Variants in NXPE4 observed in about 807,000 individuals in gnomAD.
NXPE4 encodes NXPE family member 4.
A neutral mutation model predicts 33.3 loss-of-function variants in NXPE4; 42 were observed. That is an observed-to-expected ratio of 1.26 (90% CI 0.98 to 1.63). NXPE4 has a LOEUF of 1.63. Among genes scored for constraint, NXPE4 ranks in the 40% most tolerant of loss-of-function variants. The pLI is 0.00. For missense variants in NXPE4, 709 were observed against 647.6 expected (o/e 1.09, Z -1.03); for synonymous variants, 253 against 234.9 (o/e 1.08, Z -0.71).
chr11:114,594,848 A>AT lies in NXPE4; in HGVS notation c.-10-80dup, dbSNP rs1225007832. On this transcript the variant is annotated intron_variant, in intron 1 of 5. Coordinates refer to ENST00000375478, the MANE Select transcript of NXPE4 (RefSeq NM_001077639.2). ...CAAACAAACATGGGAAACATTTGAA[A>AT]TTTTTTTGGCTCATGATTACTTTTT... 1.0e-5 allele frequency: 8 copies of AT among 773,838 alleles called. No homozygotes were observed. The African/African-American group carries it at 1.2e-4, about 12-fold the overall frequency. The allele number at this position is 773,838 out of a possible 1,614,324, so 47.9% of individuals were successfully genotyped here. A position where few individuals can be genotyped will look rare whatever the true frequency, so the allele number is the denominator to read the frequency against.
the NXPE4 span, among the ~76,000 whole-genome samples, chr11:114,618,287 T>G: frequency 2.0e-5 from 3 of 152,046 alleles, no homozygotes; most frequent in African/African-American, 7.2e-5. Context: ...TATTACCGCA[T>G]GGGTAACCAC....
the NXPE4 span, among the ~76,000 whole-genome samples, chr11:114,613,394 G>C: frequency 6.6e-6 from 1 of 150,978 alleles, no homozygotes; most frequent in East Asian, 2.0e-4. Context: ...GTGTTGCCTC[G>C]TGGGTGGGTA....
At chr11:114,574,960 C>A (rs989097658) in intron 5 of NXPE4, among the ~76,000 whole-genome samples, 3 of 151,996 alleles carry the variant, frequency 2.0e-5, no homozygotes, top group Non-Finnish European at 2.9e-5. Flanking sequence ...ACTAGCTAAC[C>A]AAATCCAATG....
intron 5 of NXPE4, among the ~76,000 whole-genome samples, chr11:114,577,990 G>T (rs1056072559): frequency 6.6e-6 from 1 of 152,158 alleles, no homozygotes; most frequent in African/African-American, 2.4e-5. Context: ...ATCCTCTCAT[G>T]TATATTTAAT....
chr11:114,653,801 T>G, the NXPE4 span, among the ~76,000 whole-genome samples: 1 of 152,062 alleles, frequency 6.6e-6, no homozygotes, highest in African/African-American at 2.4e-5. Flanking sequence ...GTGCTGGGAT[T>G]ACAGGCGTGA....
the NXPE4 span, among the ~76,000 whole-genome samples, chr11:114,630,585 G>C: frequency 6.6e-6 from 1 of 151,464 alleles, no homozygotes; most frequent in African/African-American, 2.4e-5. Context: ...AGAAAACCTA[G>C]GCATTACCAT....
At chr11:114,603,071 T>C in the NXPE4 span, among the ~76,000 whole-genome samples, 1 of 151,840 alleles carries the variant, frequency 6.6e-6, no homozygotes, top group Non-Finnish European at 1.5e-5. Context: ...TAGGTAACTA[T>C]TATTACCTAG....
At chr11:114,583,110 A>C in intron 2 of NXPE4, 89 bp from the exon 3 acceptor site, 1 of 1,356,406 alleles carries the variant, frequency 7.4e-7, no homozygotes, top group Non-Finnish European at 1.0e-6. Context: ...CTATGAAATT[A>C]ACATGTTCCT....
At chr11:114,594,206 G>A (rs1949526449) in intron 2 of NXPE4, among the ~76,000 whole-genome samples, 1 of 152,064 alleles carries the variant, frequency 6.6e-6, no homozygotes, top group South Asian at 2.1e-4. Context: ...GCACAAGAAA[G>A]GATAAATTCT....
the NXPE4 span, among the ~76,000 whole-genome samples, chr11:114,641,906 C>T: frequency 6.6e-6 from 1 of 152,006 alleles, no homozygotes. Flanking sequence ...TGAAAGAACA[C>T]TAGAGTAACT....
At chr11:114,637,186 C>G in the NXPE4 span, among the ~76,000 whole-genome samples, 1 of 151,896 alleles carries the variant, frequency 6.6e-6, no homozygotes, top group South Asian at 2.1e-4. Flanking sequence ...GTTAGCTCTT[C>G]TTGTTGAGTT....
the NXPE4 span, among the ~76,000 whole-genome samples, chr11:114,636,288 T>A: frequency 6.6e-6 from 1 of 152,076 alleles, no homozygotes. Context: ...TAGTTTGTAT[T>A]TCTGTGAGAT....
At chr11:114,604,797 C>T in the NXPE4 span, among the ~76,000 whole-genome samples, 8 of 151,644 alleles carry the variant, frequency 5.3e-5, no homozygotes, top group South Asian at 6.3e-4. Context: ...AGTGTTGCCT[C>T]GCGGGTAACC....
At chr11:114,587,746 C>A (rs1355342764) in intron 2 of NXPE4, among the ~76,000 whole-genome samples, 1 of 152,142 alleles carries the variant, frequency 6.6e-6, no homozygotes, top group Non-Finnish European at 1.5e-5. Context: ...AAAGGGACAC[C>A]TTTTTTCTTG....
chr11:114,634,001 T>C, the NXPE4 span, among the ~76,000 whole-genome samples: 2 of 152,038 alleles, frequency 1.3e-5, no homozygotes, highest in South Asian at 4.2e-4. Flanking sequence ...CTGGGTCAAA[T>C]GGTATTTCTA....
upstream of NXPE4, among the ~76,000 whole-genome samples, chr11:114,598,411 G>T (rs1949602393): frequency 6.6e-6 from 1 of 150,738 alleles, no homozygotes; most frequent in Non-Finnish European, 1.5e-5. Context: ...GCCCCAGTGG[G>T]GACTCTGTGT....
intron 1 of NXPE4, among the ~76,000 whole-genome samples, chr11:114,595,020 G>A (rs1271859271): frequency 6.6e-6 from 1 of 152,016 alleles, no homozygotes; most frequent in Non-Finnish European, 1.5e-5. Context: ...AAGAAATCGA[G>A]CAGCTTAAGG....
At chr11:114,574,357 T>A (rs1948952566) in intron 5 of NXPE4, among the ~76,000 whole-genome samples, 1 of 150,346 alleles carries the variant, frequency 6.7e-6, no homozygotes, top group South Asian at 2.1e-4. Flanking sequence ...ATAATGAAGA[T>A]CAGAGCAGAA....
the NXPE4 span, among the ~76,000 whole-genome samples, chr11:114,616,152 G>C: frequency 6.6e-6 from 1 of 151,568 alleles, no homozygotes; most frequent in Non-Finnish European, 1.5e-5. Flanking sequence ...TTGCCTCGTG[G>C]GTAACCATGG....
Sources: gnomAD v4.1 joint callset for allele counts (sites outside exome capture counted in the v4.1 genomes callset) on GRCh38, gnomAD v4.1.1 for gene constraint, MANE v1.5 for transcripts, NCBI Gene and HGNC (gene_info 2026-07-23, HGNC 2026-07-21) for gene names.